Variants in ENOX2 observed in about 807,000 individuals in gnomAD.
ENOX2 encodes ecto-NOX disulfide-thiol exchanger 2, also known as APK1 antigen.
In ENOX2, 36 loss-of-function variants were observed where a neutral mutation model predicts 45.0. That is an observed-to-expected ratio of 0.80 (90% CI 0.61 to 1.06). The LOEUF is 1.06. ENOX2 is among the 50% of genes least tolerant of loss of function. The probability of loss-of-function intolerance (pLI) is 0.00; values close to 1 mark genes in which losing one functional copy is unlikely to be tolerated. For missense variants in ENOX2, 423 were observed against 462.5 expected (o/e 0.91, Z 0.78); for synonymous variants, 174 against 152.3 (o/e 1.14, Z -1.05).
At chrX:130,750,250 T>C (rs1425900228) in intron 3 of ENOX2, among the ~76,000 whole-genome samples, 3 of 111,993 alleles carry the variant, frequency 2.7e-5, no homozygotes, top group African/African-American at 9.7e-5. Flanking sequence ...TCTCTGCCTC[T>C]CTGTGCCTCT....
intron 3 of ENOX2, among the ~76,000 whole-genome samples, chrX:130,761,336 A>T (rs2039485589): frequency 8.9e-6 from 1 of 111,813 alleles, no homozygotes; most frequent in South Asian, 3.7e-4. Context: ...TGATGAATTC[A>T]ACTTTCTTAA....
rs377489850 is a variant in ENOX2 at position 130,897,488 on chromosome X, CT to C, written c.-183+4195del. On this transcript the variant is annotated intron_variant, in intron 2 of 14. Coordinates refer to ENST00000394363, the MANE Select transcript of ENOX2 (RefSeq NM_006375.4). ...AATGCCCTTTATTATGATAACTTTT[CT>C]TCTCGCTTTGATGTATTTAGTTTTC... 5.0e-3 allele frequency among the ~76,000 whole-genome samples: 564 copies of C among 112,171 alleles called. 2 individuals carry two copies. Among genetic ancestry groups the C allele is most frequent in the African/African-American group, 0.017 (538 of 30,870 alleles).
chrX:130,675,396 G>T (rs2037119852), intron 6 of ENOX2, among the ~76,000 whole-genome samples: 1 of 112,591 alleles, frequency 8.9e-6, no homozygotes, highest in South Asian at 3.7e-4. Flanking sequence ...TATGTACAGA[G>T]AAACACAGAT....
At chrX:130,818,984 G>T (rs2077542286) in intron 2 of ENOX2, among the ~76,000 whole-genome samples, 1 of 111,623 alleles carries the variant, frequency 9.0e-6, no homozygotes. Flanking sequence ...TCTGACAAAG[G>T]GCTAATATCC....
intron 2 of ENOX2, among the ~76,000 whole-genome samples, chrX:130,803,375 T>C (rs892317786): frequency 8.9e-6 from 1 of 112,060 alleles, no homozygotes; most frequent in African/African-American, 3.2e-5. Flanking sequence ...CACACATATA[T>C]TTTGTTAAAA....
At chrX:130,775,057 T>C (rs1008808205) in intron 3 of ENOX2, among the ~76,000 whole-genome samples, 1 of 112,167 alleles carries the variant, frequency 8.9e-6, no homozygotes, top group Non-Finnish European at 1.9e-5. Flanking sequence ...TAAAAACTTC[T>C]CTGGGCTTTC....
chrX:130,856,295 T>G (rs1028025943), intron 2 of ENOX2, among the ~76,000 whole-genome samples: 1 of 112,602 alleles, frequency 8.9e-6, no homozygotes, highest in African/African-American at 3.2e-5. Flanking sequence ...AGTCTTGCCA[T>G]GTTTCCCATC....
intron 2 of ENOX2, among the ~76,000 whole-genome samples, chrX:130,809,179 A>G (rs1323091339): frequency 8.9e-6 from 1 of 112,450 alleles, no homozygotes; most frequent in African/African-American, 3.2e-5. Flanking sequence ...ACCTGAAGAT[A>G]TCAGAAAATT....
Position 130,706,901 on chromosome X carries a change from T to C in ENOX2, c.-38-3647A>G, listed in dbSNP as rs748351563. On this transcript the variant is annotated intron_variant, in intron 3 of 14. Coordinates refer to ENST00000394363, the MANE Select transcript of ENOX2 (RefSeq NM_006375.4). ...TTGATCTCATTAGCTATGATCTTTT[T>C]CCCATATCGGCATAATCATACATAA... 1.4e-3 allele frequency among the ~76,000 whole-genome samples: 159 copies of C among 112,343 alleles called. 1 individual carries two copies. The highest frequency in any genetic ancestry group is 4.2e-3 in the Admixed American group (45 of 10,618).
chrX:130,686,242 G>A (rs1888481944), intron 5 of ENOX2, among the ~76,000 whole-genome samples: 1 of 110,873 alleles, frequency 9.0e-6, no homozygotes. Flanking sequence ...TGGATCAGGG[G>A]GTGGATTTCT....
chrX:130,700,580 C>T (rs972799060), intron 4 of ENOX2, among the ~76,000 whole-genome samples: 1 of 112,172 alleles, frequency 8.9e-6, no homozygotes, highest in Non-Finnish European at 1.9e-5. Flanking sequence ...CATCCAAATA[C>T]TTTCAATTTA....
At chrX:130,849,890 T>C (rs1236093790) in intron 2 of ENOX2, among the ~76,000 whole-genome samples, 1 of 111,471 alleles carries the variant, frequency 9.0e-6, no homozygotes, top group African/African-American at 3.3e-5. Context: ...AATCTTATGC[T>C]TGAAGCACAG....
intron 2 of ENOX2, among the ~76,000 whole-genome samples, chrX:130,855,035 A>G (rs992357060): frequency 1.8e-5 from 2 of 111,446 alleles, no homozygotes; most frequent in Non-Finnish European, 3.8e-5. Flanking sequence ...TTCTTATTCA[A>G]TACAGTACTG....
At chrX:130,803,852 A>G (rs1569503770) in intron 2 of ENOX2, among the ~76,000 whole-genome samples, 1 of 112,286 alleles carries the variant, frequency 8.9e-6, no homozygotes, top group Non-Finnish European at 1.9e-5. Flanking sequence ...CTAGCATAAC[A>G]TTGTGATAAA....
intron 10 of ENOX2, among the ~76,000 whole-genome samples, chrX:130,648,968 C>T (rs1275672970): frequency 2.0e-5 from 2 of 98,083 alleles, no homozygotes; most frequent in Non-Finnish European, 4.0e-5. Flanking sequence ...TCACTTGAAC[C>T]AGGGAGTCAG....
chrX:130,725,492 G>T (rs2038583547), intron 3 of ENOX2, among the ~76,000 whole-genome samples: 1 of 109,034 alleles, frequency 9.2e-6, no homozygotes, highest in Non-Finnish European at 1.9e-5. Flanking sequence ...TTTTATTCTA[G>T]TCCCATATCC....
rs777371513 is a variant in ENOX2, at chrX:130,722,573, A to T, written c.-38-19319T>A. ...CTGTCTTGAATACAGCTCAGAAAGGAAGGTTTTGGTTAAGCATGTAGTTAC... is the reference window on the plus strand; with the variant it reads ...CTGTCTTGAATACAGCTCAGAAAGGTAGGTTTTGGTTAAGCATGTAGTTAC... On this transcript the variant is annotated intron_variant, in intron 3 of 14. Coordinates refer to ENST00000394363, the MANE Select transcript of ENOX2 (RefSeq NM_006375.4). Among the ~76,000 whole-genome samples, 4 of 112,145 alleles carry T rather than the reference A, an allele frequency of 3.6e-5. No individual in the cohort carries two copies. The South Asian group carries it at 1.5e-3, about 42-fold the overall frequency.
chrX:130,865,096 G>A (rs763776621), intron 2 of ENOX2, among the ~76,000 whole-genome samples: 1 of 102,308 alleles, frequency 9.8e-6, no homozygotes, highest in East Asian at 3.0e-4. Flanking sequence ...GAAAAAACTT[G>A]CAACTAAAAT....
At chrX:130,637,918 AG>A (rs1490289158) in intron 10 of ENOX2, among the ~76,000 whole-genome samples, 1 of 111,577 alleles carries the variant, frequency 9.0e-6, no homozygotes, top group African/African-American at 3.3e-5. Context: ...GTAGTGCCAG[AG>A]GTTAGCAGGC....
Sources: gnomAD v4.1 joint callset for allele counts (sites outside exome capture counted in the v4.1 genomes callset) on GRCh38, gnomAD v4.1.1 for gene constraint, MANE v1.5 for transcripts, NCBI Gene and HGNC (gene_info 2026-07-23, HGNC 2026-07-21) for gene names.